TRIM2: variants seen among roughly 807,000 people sequenced by gnomAD.
TRIM2 encodes the protein tripartite motif containing 2.
TRIM2 carries 20 observed loss-of-function variants against 75.2 expected under a neutral mutation model. That is an observed-to-expected ratio of 0.27 (90% CI 0.19 to 0.39). The LOEUF (loss-of-function observed/expected upper bound fraction) is 0.39, where lower values mean the gene tolerates loss of function less well. Among genes scored for constraint, TRIM2 ranks in the 10% least tolerant of loss-of-function variants. The pLI, the probability that TRIM2 is intolerant of heterozygous loss-of-function variation, is 1.00. For missense variants in TRIM2, 660 were observed against 990.8 expected, an observed-to-expected ratio of 0.67 and a Z score of 4.48; for synonymous variants, 373 against 388.3, an observed-to-expected ratio of 0.96 and a Z score of 0.46.
chr4:153,258,475 T>A (rs1213504309), intron 1 of TRIM2, among the ~76,000 whole-genome samples: 2 of 152,110 alleles, frequency 1.3e-5, no homozygotes, highest in Non-Finnish European at 2.9e-5. Flanking sequence ...TATTTTTGTG[T>A]CAGAGCTTTT....
At chr4:153,277,532 A>C (rs1758302794) in intron 3 of TRIM2, among the ~76,000 whole-genome samples, 1 of 152,218 alleles carries the variant, frequency 6.6e-6, no homozygotes, top group African/African-American at 2.4e-5. Context: ...TATACATAGA[A>C]GTCAATAAAT....
At chr4:153,290,609 A>G (rs1017891944) in intron 3 of TRIM2, among the ~76,000 whole-genome samples, 2 of 152,176 alleles carry the variant, frequency 1.3e-5, no homozygotes, top group Non-Finnish European at 2.9e-5. Flanking sequence ...ATTAAAACAT[A>G]TTTTAATGAG....
chr4:153,222,325 T>C (rs1030749111), intron 1 of TRIM2: 1 of 152,064 alleles, frequency 6.6e-6, no homozygotes, highest in Admixed American at 6.6e-5. Flanking sequence ...TGAACTCACT[T>C]CCCCTGAAAG....
intron 1 of TRIM2, among the ~76,000 whole-genome samples, chr4:153,268,041 G>A (rs1755717698): frequency 6.6e-6 from 1 of 152,172 alleles, no homozygotes; most frequent in South Asian, 2.1e-4. Flanking sequence ...GGTTGGAGAT[G>A]GAATCATAGA....
At chr4:153,155,333 C>A (rs934428804) in intron 1 of TRIM2, among the ~76,000 whole-genome samples, 4 of 152,118 alleles carry the variant, frequency 2.6e-5, no homozygotes, top group African/African-American at 4.8e-5. Flanking sequence ...ATAAATACTT[C>A]TACTGAATTC....
At chr4:153,226,357 T>G (rs1742124670) in intron 1 of TRIM2, among the ~76,000 whole-genome samples, 1 of 152,232 alleles carries the variant, frequency 6.6e-6, no homozygotes, top group South Asian at 2.1e-4. Context: ...TCAGCATCTT[T>G]ATTAATTTAA....
At chr4:153,311,905 T>C (rs1220304210) in intron 6 of TRIM2, among the ~76,000 whole-genome samples, 2 of 148,402 alleles carry the variant, frequency 1.3e-5, no homozygotes, top group Admixed American at 1.3e-4. Context: ...TTTATTTATT[T>C]ATTTATTTAT....
chr4:153,241,968 T>G (rs1332895846), intron 1 of TRIM2, among the ~76,000 whole-genome samples: 1 of 152,150 alleles, frequency 6.6e-6, no homozygotes, highest in African/African-American at 2.4e-5. Flanking sequence ...GGTTTTCCCA[T>G]TTCTGGGGGC....
At chr4:153,163,495 CTT>C (rs70949644) in intron 1 of TRIM2, among the ~76,000 whole-genome samples, 5,590 of 97,866 alleles carry the variant, frequency 0.057, 102 homozygotes, top group Admixed American at 0.1. Context: ...AGATTTACAT[CTT>C]TTTTTTTTTT....
At chr4:153,281,138 T>C (rs1759246665) in intron 3 of TRIM2, among the ~76,000 whole-genome samples, 1 of 152,234 alleles carries the variant, frequency 6.6e-6, no homozygotes, top group South Asian at 2.1e-4. Context: ...TAATCAGTTC[T>C]TTTCAAATTA....
chr4:153,204,512 AGG>A lies in TRIM2; in HGVS notation c.-18_-17del. On this transcript the variant is annotated 5_prime_UTR_variant, in exon 1 of 12. Coordinates refer to ENST00000338700, the MANE Select transcript of TRIM2 (RefSeq NM_015271.5). Reference sequence around the variant, plus strand: ...GGGAGCTAAGTCCCCAGATTGGAGGAGGCTGGCTCTGGTCTTCGATGCACAGG... The same window carrying A: ...GGGAGCTAAGTCCCCAGATTGGAGGACTGGCTCTGGTCTTCGATGCACAGG... 1 of 1,551,670 alleles carries A rather than the reference AGG, an allele frequency of 6.4e-7. No individual in the cohort carries two copies. The highest frequency in any genetic ancestry group is 8.7e-7 in the Non-Finnish European group (1 of 1,146,994).
rs560195302 is a variant in TRIM2, at chr4:153,328,347, C to T, written c.2023-183C>T. On this transcript the variant is annotated intron_variant, in intron 10 of 11. Transcript: ENST00000338700. ...TAACAAATGATAAATCAGATTTATA[C>T]AGTAATTTGGGGAACCACAATGATA... Among the ~76,000 whole-genome samples, 36 of 152,206 alleles carry T rather than the reference C, an allele frequency of 2.4e-4. 1 individual carries two copies. In the South Asian group the frequency reaches 3.7e-3, roughly 16 times the overall value.
chr4:153,210,058 A>ATTTTTTTTT (rs761134144), intron 1 of TRIM2, among the ~76,000 whole-genome samples: 1 of 107,026 alleles, frequency 9.3e-6, no homozygotes, highest in Non-Finnish European at 1.8e-5. Flanking sequence ...GGGTGATTTA[A>ATTTTTTTTT]TTTTTTTTTT....
intron 6 of TRIM2, among the ~76,000 whole-genome samples, chr4:153,308,978 T>C (rs1765640715): frequency 6.6e-6 from 1 of 152,196 alleles, no homozygotes. Flanking sequence ...TGGGAACTCT[T>C]CTTGCATTTC....
intron 1 of TRIM2, among the ~76,000 whole-genome samples, chr4:153,223,903 C>A (rs1741402299): frequency 1.3e-5 from 2 of 152,184 alleles, no homozygotes; most frequent in Admixed American, 1.3e-4. Flanking sequence ...AGGGGTTGTT[C>A]TTGCAGCAGT....
chr4:153,236,657 C>T (rs542773826), intron 1 of TRIM2, among the ~76,000 whole-genome samples: 50 of 126,390 alleles, frequency 4.0e-4, no homozygotes, highest in Non-Finnish European at 4.7e-4. Context: ...AGGATTGTGT[C>T]TTTTTCTTTT....
intron 1 of TRIM2, among the ~76,000 whole-genome samples, chr4:153,221,932 GGAACGA>G (rs1740382016): frequency 2.5e-5 from 3 of 122,278 alleles, no homozygotes; most frequent in South Asian, 3.2e-4. Flanking sequence ...AGGGAGAAAA[GGAACGA>G]AAGAGTGAGG....
At chr4:153,327,171 A>T (rs1236283710) in intron 10 of TRIM2, among the ~76,000 whole-genome samples, 1 of 152,208 alleles carries the variant, frequency 6.6e-6, no homozygotes, top group Non-Finnish European at 1.5e-5. Flanking sequence ...CATCTTAGTA[A>T]AAGCTGGTTG....
chr4:153,246,343 G>C (rs1222020987), intron 1 of TRIM2, among the ~76,000 whole-genome samples: 1 of 152,120 alleles, frequency 6.6e-6, no homozygotes, highest in Non-Finnish European at 1.5e-5. Context: ...TATCAGAGCT[G>C]GGATTTGTAC....
Sources: allele counts gnomAD v4.1 joint callset (sites outside exome capture counted in the v4.1 genomes callset), GRCh38; gene constraint gnomAD v4.1.1; transcripts MANE v1.5; gene names NCBI Gene and HGNC (gene_info 2026-07-23, HGNC 2026-07-21).